Variants in C1orf87 observed in about 807,000 individuals in gnomAD.
C1orf87 encodes the protein chromosome 1 open reading frame 87.
In C1orf87, 58 loss-of-function variants were observed where a neutral mutation model predicts 60.5. The ratio of observed to expected loss-of-function variants is 0.96; its 90% CI spans 0.78 to 1.19. The LOEUF is 1.19. C1orf87 is among the 50% of genes most tolerant of loss of function. C1orf87 has a pLI of 0.00. For synonymous variants in C1orf87, 236 were observed against 227.4 expected (o/e 1.04, Z -0.34); for missense variants, 673 against 638.6 (o/e 1.05, Z -0.58).
In C1orf87 at chr1:60,033,574, C is replaced by G. The variant is rs1645254386; in HGVS notation, c.931G>C (p.Ala311Pro). 1.9e-6 allele frequency: 3 copies of G among 1,613,342 alleles called. No homozygotes were observed. Among genetic ancestry groups the G allele is most frequent in the Admixed American group, 1.7e-5 (1 of 59,926 alleles). Residue 311 changes from alanine to proline, a missense_variant, in exon 7 of 12, where the codon GCA (alanine) becomes CCA (proline). Ala to Pro is a conservative substitution (Grantham distance 27). Coordinates refer to ENST00000371201, the MANE Select transcript of C1orf87 (RefSeq NM_152377.3). ...AGTCTGCCATTGGTTGTCCTTAGTG[C>G]CATCTTCAAAATCTCCAACAGACTC... Reference protein sequence around the residue: ...NRSLLEILKMALRTTNGRLNI... With the variant: ...NRSLLEILKMPLRTTNGRLNI...
At chr1:60,052,633 G>T (rs1049496523) in intron 3 of C1orf87, among the ~76,000 whole-genome samples, 5 of 152,204 alleles carry the variant, frequency 3.3e-5, no homozygotes, top group Non-Finnish European at 7.3e-5. Context: ...ACACTTGCTC[G>T]TCCTCAAGCA....
intron 10 of C1orf87, 29 bp downstream of exon 10, chr1:60,001,048 C>G (rs1304661504): frequency 6.3e-7 from 1 of 1,580,518 alleles, no homozygotes; most frequent in Non-Finnish European, 8.7e-7. Flanking sequence ...AAAACCTTCC[C>G]CCAAACTCTA....
intron 11 of C1orf87, among the ~76,000 whole-genome samples, chr1:59,992,207 T>C (rs549561993): frequency 1.3e-5 from 2 of 151,202 alleles, no homozygotes; most frequent in African/African-American, 4.9e-5. Flanking sequence ...GGAAAAGAGA[T>C]TGCTTCAAGT....
In C1orf87 at chr1:60,025,438, G is replaced by A. The variant is rs1353359190; in HGVS notation, c.1090C>T (p.Leu364Phe). 10 of 1,613,258 alleles carry A rather than the reference G, an allele frequency of 6.2e-6. No individual in the cohort carries two copies. Among genetic ancestry groups the A allele is most frequent in the Non-Finnish European group, 7.6e-6 (9 of 1,179,592 alleles). ...TGGTAACCCAAATCTTGATGGTTAA[G>A]CAATGTTTCCAGCAGGCTCAGGGTC... ...YLTLSLLETL[L>F]NHQDLGYQNE... The change falls in exon 8 of 12, where the codon CTT becomes TTT. Residue 364 changes from leucine (L) to phenylalanine (F), a missense_variant. Physicochemically the swap from Leu to Phe is conservative, Grantham distance 22 (BLOSUM62 0). Coordinates refer to ENST00000371201, the MANE Select transcript of C1orf87 (RefSeq NM_152377.3).
At chr1:60,041,611 A>G (rs1645325477) in intron 3 of C1orf87, among the ~76,000 whole-genome samples, 1 of 152,220 alleles carries the variant, frequency 6.6e-6, no homozygotes, top group African/African-American at 2.4e-5. Context: ...TAGAATTAGG[A>G]TCAATAATAA....
chr1:60,005,736 C>A (rs1452006249), intron 9 of C1orf87, among the ~76,000 whole-genome samples: 1 of 151,142 alleles, frequency 6.6e-6, no homozygotes, highest in East Asian at 1.9e-4. Flanking sequence ...GGCTAAAAGG[C>A]CCCATGGGCC....
At chr1:60,009,056 A>G (rs935674193) in intron 9 of C1orf87, among the ~76,000 whole-genome samples, 2 of 152,046 alleles carry the variant, frequency 1.3e-5, no homozygotes, top group African/African-American at 4.8e-5. Context: ...CCTCAAAAAT[A>G]TGTTCAAGTC....
chr1:59,997,389 T>C (rs1644970784), intron 11 of C1orf87, among the ~76,000 whole-genome samples: 1 of 152,114 alleles, frequency 6.6e-6, no homozygotes, highest in Non-Finnish European at 1.5e-5. Context: ...GGCAGTAGGG[T>C]GCAGGAAGTA....
intron 9 of C1orf87, chr1:60,008,830 T>C (rs1574298127): frequency 2.6e-6 from 1 of 381,920 alleles, no homozygotes; most frequent in Non-Finnish European, 5.2e-6. Flanking sequence ...TATGTCGCAG[T>C]CCAAGAATCA....
intron 7 of C1orf87, among the ~76,000 whole-genome samples, chr1:60,030,282 C>T (rs1344422052): frequency 6.6e-6 from 1 of 152,196 alleles, no homozygotes; most frequent in Non-Finnish European, 1.5e-5. Flanking sequence ...AGAGGAGAAA[C>T]ATTCAAAGTT....
chr1:60,000,503 G>A (rs1376969227), intron 10 of C1orf87, among the ~76,000 whole-genome samples: 2 of 151,874 alleles, frequency 1.3e-5, no homozygotes, highest in South Asian at 2.1e-4. Context: ...GTTCTAATCC[G>A]GGCATTTAAA....
At position 60,033,534 on chromosome 1, in the gene C1orf87, A is replaced by C; in HGVS notation, c.971T>G (p.Leu324Arg). The C allele has an allele frequency of 6.2e-7, 1 of 1,613,898 alleles. No individual in the cohort carries two copies. Residue 324 changes from leucine (L) to arginine (R), a missense_variant, in exon 7 of 12, where the codon CTC (leucine) becomes CGC (arginine). Transcript: ENST00000371201. ...ATCTTCTTTTCGAAAACTCAGATTG[A>C]GATTGTCTATGTTGAGTCTGCCATT... is the stretch of plus-strand genomic sequence containing the variant. ...TTNGRLNIDN[L>R]NLSFRKEDRS...
At chr1:60,048,498 T>G (rs1271618681) in intron 3 of C1orf87, among the ~76,000 whole-genome samples, 1 of 152,196 alleles carries the variant, frequency 6.6e-6, no homozygotes, top group Non-Finnish European at 1.5e-5. Context: ...TTAGGGCAAT[T>G]TGTTGTATAC....
intron 3 of C1orf87, among the ~76,000 whole-genome samples, chr1:60,052,232 A>T: frequency 6.6e-6 from 1 of 152,224 alleles, no homozygotes; most frequent in East Asian, 1.9e-4. Flanking sequence ...CTACAATTTT[A>T]TTTTTGAAAC....
At chr1:60,031,396 C>G (rs1645237006) in intron 7 of C1orf87, among the ~76,000 whole-genome samples, 1 of 152,182 alleles carries the variant, frequency 6.6e-6, no homozygotes, top group African/African-American at 2.4e-5. Context: ...ACCCCATTTC[C>G]TTGGATCTGA....
At chr1:60,041,741 C>A (rs1406779400) in intron 3 of C1orf87, among the ~76,000 whole-genome samples, 2 of 152,182 alleles carry the variant, frequency 1.3e-5, no homozygotes, top group African/African-American at 4.8e-5. Context: ...GACTGCCCCT[C>A]CCAGGACTAG....
rs567908038 is a variant in C1orf87, at chr1:59,991,567, A to G, written c.1481-734T>C. ...TTCTATTTTTTAAAATATTTTTGAT[A>G]TGCAGTTGGTTGAATCTGTAGTTGC... On this transcript the variant is annotated intron_variant, in intron 11 of 11. Coordinates refer to ENST00000371201, the MANE Select transcript of C1orf87 (RefSeq NM_152377.3). Among the ~76,000 whole-genome samples, 3 of 152,248 alleles carry G rather than the reference A, an allele frequency of 2.0e-5. No individual in the cohort carries two copies. The East Asian group carries it at 5.8e-4, about 29-fold the overall frequency.
intron 8 of C1orf87, among the ~76,000 whole-genome samples, chr1:60,011,265 A>T (rs1383002366): frequency 6.6e-6 from 1 of 151,964 alleles, no homozygotes; most frequent in Admixed American, 6.6e-5. Flanking sequence ...CCCAGCATCC[A>T]CCTTCCATTT....
intron 7 of C1orf87, among the ~76,000 whole-genome samples, chr1:60,028,047 G>GTA (rs1325280138): frequency 6.6e-6 from 1 of 152,084 alleles, no homozygotes; most frequent in Non-Finnish European, 1.5e-5. Context: ...TTGAGTAAAT[G>GTA]TATATATGGG....
Sources: allele counts gnomAD v4.1 joint callset (sites outside exome capture counted in the v4.1 genomes callset), GRCh38; gene constraint gnomAD v4.1.1; transcripts MANE v1.5; gene names NCBI Gene and HGNC (gene_info 2026-07-23, HGNC 2026-07-21).